SCARA5: variants seen among roughly 807,000 people sequenced by gnomAD.
SCARA5 encodes scavenger receptor class A, member 5 (putative).
Under a neutral mutation model 46.3 loss-of-function variants are expected in SCARA5, and 45 were observed. The observed-to-expected ratio is 0.97, with a 90% CI of 0.76 to 1.24. The LOEUF is 1.24. Among genes scored for constraint, SCARA5 ranks in the 50% most tolerant of loss-of-function variants. The pLI is 0.00. For synonymous variants in SCARA5, 333 were observed against 306.5 expected (o/e 1.09, Z -0.90); for missense variants, 680 against 689.0 (o/e 0.99, Z 0.15).
intron 7 of SCARA5, among the ~76,000 whole-genome samples, chr8:27,885,542 C>T (rs1457994175): frequency 6.6e-6 from 1 of 152,188 alleles, no homozygotes; most frequent in African/African-American, 2.4e-5. Flanking sequence ...AATGGAGGGA[C>T]TCATTAATAT....
chr8:27,973,197 C>T (rs1196915923), intron 2 of SCARA5, among the ~76,000 whole-genome samples: 3 of 152,056 alleles, frequency 2.0e-5, no homozygotes, highest in Non-Finnish European at 4.4e-5. Context: ...AAAGCTGGGG[C>T]CGGGTGTAGT....
intron 1 of SCARA5, among the ~76,000 whole-genome samples, chr8:27,990,728 C>T (rs528388408): frequency 3.3e-5 from 5 of 152,168 alleles, no homozygotes; most frequent in African/African-American, 7.2e-5. Flanking sequence ...CCAGTGTACT[C>T]CAGCAGGTGG....
At chr8:27,901,850 C>T (rs1807160052) in intron 7 of SCARA5, among the ~76,000 whole-genome samples, 1 of 152,218 alleles carries the variant, frequency 6.6e-6, no homozygotes, top group Non-Finnish European at 1.5e-5. Context: ...AAGCCCCCAT[C>T]CCAGGGTCAG....
intron 2 of SCARA5, among the ~76,000 whole-genome samples, chr8:27,983,901 A>G (rs1217389469): frequency 6.6e-6 from 1 of 152,098 alleles, no homozygotes; most frequent in Non-Finnish European, 1.5e-5. Context: ...CCAGCCTCCA[A>G]CAAGAAGTGC....
chr8:27,895,729 G>A (rs186899861), intron 7 of SCARA5, among the ~76,000 whole-genome samples: 75 of 152,302 alleles, frequency 4.9e-4, no homozygotes, highest in Admixed American at 1.3e-3. Context: ...CGGGGTACTT[G>A]GGACTTTGCT....
intron 7 of SCARA5, among the ~76,000 whole-genome samples, chr8:27,885,122 A>G (rs1217330177): frequency 6.6e-6 from 1 of 151,546 alleles, no homozygotes; most frequent in Admixed American, 6.6e-5. Context: ...CATCTTGGAC[A>G]GGTGGACAAG....
At chr8:27,984,640 T>C (rs1302164947) in intron 2 of SCARA5, among the ~76,000 whole-genome samples, 146 of 147,630 alleles carry the variant, frequency 9.9e-4, no homozygotes, top group African/African-American at 3.3e-3. Context: ...ATCCATTCAT[T>C]CACCCATCCA....
rs574990974 is a variant in SCARA5 at position 27,905,855 on chromosome 8, T to C, written c.1097-1021A>G. 7.0e-4 allele frequency among the ~76,000 whole-genome samples: 106 copies of C among 152,082 alleles called. 1 individual carries two copies. Among genetic ancestry groups the C allele is most frequent in the Admixed American group, 5.8e-3 (89 of 15,286 alleles). The stretch of plus-strand genomic sequence containing the variant: ...CTTCCCAAGTAGCTGGGATCACAGG[T>C]GTGCCCCAACATGCCTGGCTAAGTT... On this transcript the variant is annotated intron_variant, in intron 6 of 8. Coordinates refer to ENST00000354914, the MANE Select transcript of SCARA5 (RefSeq NM_173833.6).
At chr8:27,890,549 C>A (rs570711931) in intron 7 of SCARA5, among the ~76,000 whole-genome samples, 2 of 152,154 alleles carry the variant, frequency 1.3e-5, no homozygotes, top group South Asian at 2.1e-4. Context: ...TAGATGTGTG[C>A]GTGACTTTAT....
rs956618057 is a variant in SCARA5, at chr8:27,870,090, T to C, written c.*1844A>G. The C allele has an allele frequency of 1.4e-4, 22 of 152,194 alleles. No homozygotes were observed. The highest frequency in any genetic ancestry group is 5.3e-4 in the African/African-American group (22 of 41,448). The allele number at this position is 152,194 out of a possible 1,614,324, so 9.4% of individuals were successfully genotyped here. A position where few individuals can be genotyped will look rare whatever the true frequency, so the allele number is the denominator to read the frequency against. The stretch of plus-strand genomic sequence containing the variant: ...TTTATTTGATGTAAAACAAGACTTA[T>C]GTTGTCCCTAATGGAAAGACCAAGT... On this transcript the variant is annotated 3_prime_UTR_variant, in exon 9 of 9. Coordinates refer to ENST00000354914, the MANE Select transcript of SCARA5 (RefSeq NM_173833.6).
rs560514047 is a variant in SCARA5 at position 27,904,766 on chromosome 8, G to A, written c.1153+12C>T. 1 of 1,612,600 alleles carries A rather than the reference G, an allele frequency of 6.2e-7. No homozygotes were observed. Among genetic ancestry groups the A allele is most frequent in the South Asian group, 1.1e-5 (1 of 91,050 alleles). Reference sequence around the variant, plus strand: ...AACACCATATCCCACGGCCCCAGCAGAATGTCCTTACTGGCATCCCCAGCT... The same window carrying A: ...AACACCATATCCCACGGCCCCAGCAAAATGTCCTTACTGGCATCCCCAGCT... On this transcript the variant is annotated intron_variant, in intron 7 of 8. Transcript: ENST00000354914.
chr8:27,902,025 TAG>T (rs1268111685), intron 7 of SCARA5, among the ~76,000 whole-genome samples: 2 of 152,166 alleles, frequency 1.3e-5, no homozygotes, highest in African/African-American at 2.4e-5. Context: ...TCATGTTGTG[TAG>T]AGCTTCCTGT....
chr8:27,953,569 G>T (rs991170324), intron 3 of SCARA5, among the ~76,000 whole-genome samples: 2 of 152,228 alleles, frequency 1.3e-5, no homozygotes, highest in African/African-American at 4.8e-5. Context: ...TTGGGTTTGG[G>T]CCTGTTGAAT....
chr8:27,940,210 A>G (rs75661869), intron 3 of SCARA5, among the ~76,000 whole-genome samples: 2,675 of 152,304 alleles, frequency 0.018, 52 homozygotes, highest in East Asian at 0.053. Flanking sequence ...CCGGTCATAA[A>G]GTATTTTAAG....
At chr8:27,969,243 A>T (rs1309948186) in intron 2 of SCARA5, among the ~76,000 whole-genome samples, 1 of 152,232 alleles carries the variant, frequency 6.6e-6, no homozygotes, top group Non-Finnish European at 1.5e-5. Flanking sequence ...TTAGCAGAAG[A>T]TTACAAACAC....
intron 4 of SCARA5, among the ~76,000 whole-genome samples, chr8:27,915,044 C>T (rs1807439192): frequency 6.6e-6 from 1 of 152,162 alleles, no homozygotes; most frequent in Non-Finnish European, 1.5e-5. Context: ...GCCAGCAGTA[C>T]AGTCAAAACC....
chr8:27,943,509 T>C (rs1807983704), intron 3 of SCARA5, among the ~76,000 whole-genome samples: 1 of 152,246 alleles, frequency 6.6e-6, no homozygotes, highest in South Asian at 2.1e-4. Context: ...TCCAGCGGTA[T>C]GCTGATAAAT....
intron 7 of SCARA5, among the ~76,000 whole-genome samples, chr8:27,880,896 A>T (rs1391998445): frequency 4.6e-5 from 7 of 151,602 alleles, no homozygotes; most frequent in African/African-American, 1.7e-4. Flanking sequence ...AGACATGAAC[A>T]GATATTTCTC....
intron 4 of SCARA5, among the ~76,000 whole-genome samples, chr8:27,920,225 C>T (rs1208072664): frequency 6.6e-6 from 1 of 152,180 alleles, no homozygotes; most frequent in Non-Finnish European, 1.5e-5. Context: ...AGTCCCAGCA[C>T]TTTGGGAAAC....
Sources: allele counts gnomAD v4.1 joint callset (sites outside exome capture counted in the v4.1 genomes callset), GRCh38; gene constraint gnomAD v4.1.1; transcripts MANE v1.5; gene names NCBI Gene and HGNC (gene_info 2026-07-23, HGNC 2026-07-21).